NKX1-2: variants seen among roughly 807,000 people sequenced by gnomAD.
NKX1-2 encodes the protein NK1 homeobox 2.
In NKX1-2, 1 loss-of-function variant was observed where a neutral mutation model predicts 4.4. That is an observed-to-expected ratio of 0.23 (90% CI 0.08 to 1.08). The LOEUF (loss-of-function observed/expected upper bound fraction) is 1.08, where lower values mean the gene tolerates loss of function less well. NKX1-2 is among the 50% of genes least tolerant of loss of function. NKX1-2 has a pLI of 0.55. For synonymous variants in NKX1-2, 235 were observed against 228.0 expected, an observed-to-expected ratio of 1.03 and a Z score of -0.28; for missense variants, 503 against 464.6, an observed-to-expected ratio of 1.08 and a Z score of -0.76.
At position 124,447,580 on chromosome 10, in the gene NKX1-2, A is replaced by C; in HGVS notation, c.782T>G (p.Leu261Arg). The C allele has an allele frequency of 7.9e-7, 1 of 1,271,646 alleles. No individual in the cohort carries two copies. The highest frequency in any genetic ancestry group is 9.9e-7 in the Non-Finnish European group (1 of 1,007,282). The allele number at this position is 1,271,646 out of a possible 1,614,324, so 78.8% of individuals were successfully genotyped here. A position where few individuals can be genotyped will look rare whatever the true frequency, so the allele number is the denominator to read the frequency against. The change falls in exon 2 of 2, where the codon CTG becomes CGG. Residue 261 changes from leucine to arginine, a missense_variant. Coordinates refer to ENST00000451024, the MANE Select transcript of NKX1-2 (RefSeq NM_001146340.3). ...GTAGGAGGGGAAAGTCTGGAAGTGC[A>C]GAGCGCCGGTGCCGGGAGGGCCAGG... ...GSPGPPGTGA[L>R]HFQTFPSYSA...
In NKX1-2 at chr10:124,448,159, G is replaced by T; in HGVS notation, c.215-12C>A. 6.9e-7 allele frequency: 1 copy of T among 1,448,818 alleles called. No homozygotes were observed. Among genetic ancestry groups the T allele is most frequent in the Admixed American group, 2.7e-5 (1 of 36,910 alleles). The allele number at this position is 1,448,818 out of a possible 1,614,324, so 89.7% of individuals were successfully genotyped here. The stretch of plus-strand genomic sequence containing the variant: ...TGGGCCCGCAGCATCTAGGGGAGAA[G>T]GGGTCGGTGAACAGAAGCCTCTCCA... On this transcript the variant is annotated splice_polypyrimidine_tract_variant and intron_variant, in intron 1 of 1. Coordinates refer to ENST00000451024, the MANE Select transcript of NKX1-2 (RefSeq NM_001146340.3). The surrounding 1 kb of genome is among the most constrained non-coding windows in gnomAD (Gnocchi z 4.1).
Position 124,449,687 on chromosome 10 carries a change from T to G in NKX1-2, c.214+43A>C. On this transcript the variant is annotated intron_variant, in intron 1 of 1. Transcript: ENST00000451024. This position sits in a 1 kb window ranked among gnomAD's most constrained non-coding sequence, Gnocchi z 7.5. ...TGTTCCCCCATACACTCCGCATTGT[T>G]GGGGCTGAGGCCTCCTGGGGCCGGG... 7.1e-7 allele frequency: 1 copy of G among 1,416,096 alleles called. No homozygotes were observed. The highest frequency in any genetic ancestry group is 9.7e-7 in the Non-Finnish European group (1 of 1,025,960). 87.7% of individuals were successfully genotyped at this position (1,416,096 alleles called of 1,614,324 possible). A position where few individuals can be genotyped will look rare whatever the true frequency, so the allele number is the denominator to read the frequency against.
chr10:124,449,895 TGTG>T lies in NKX1-2; in HGVS notation c.46_48del (p.His16del), dbSNP rs1413103570. ...ATGTCCAGGACAGAGAAAGAAATCT[TGTG>T]GTGGGAGGGAGCCGCCTTGGCCCCG... On this transcript the variant is annotated inframe_deletion, in exon 1 of 2. Transcript: ENST00000451024. The surrounding 1 kb of genome is among the most constrained non-coding windows in gnomAD (Gnocchi z 7.5). 3 of 1,550,206 alleles carry T rather than the reference TGTG, an allele frequency of 1.9e-6. No homozygotes were observed. The highest frequency in any genetic ancestry group is 2.6e-6 in the Non-Finnish European group (3 of 1,145,860).
rs745731136 is a variant in NKX1-2, at chr10:124,446,268, A to C, written c.*1161T>G. On this transcript the variant is annotated 3_prime_UTR_variant, in exon 2 of 2. Transcript: ENST00000451024. The stretch of plus-strand genomic sequence containing the variant: ...TGGAGGTGAATCCATTAGGAATATG[A>C]CGGCTCTTCACACCCAAGTATTGCT... The C allele has an allele frequency of 5.3e-5, 8 of 152,206 alleles. No individual in the cohort carries two copies. The highest frequency in any genetic ancestry group is 5.2e-4 in the Admixed American group (8 of 15,268). The allele number at this position is 152,206 out of a possible 1,614,324, so 9.4% of individuals were successfully genotyped here. A position where few individuals can be genotyped will look rare whatever the true frequency, so the allele number is the denominator to read the frequency against.
chr10:124,445,484 G>A lies in NKX1-2; in HGVS notation c.*1945C>T, dbSNP rs1220613176. On this transcript the variant is annotated 3_prime_UTR_variant, in exon 2 of 2. Transcript: ENST00000451024. Reference sequence around the variant, plus strand: ...TCTTCTACTGAAGTCCATGATTCTGGTACCTGAGAAGACTGGAATGAAATG... The same window carrying A: ...TCTTCTACTGAAGTCCATGATTCTGATACCTGAGAAGACTGGAATGAAATG... 1 of 152,204 alleles carries A rather than the reference G, an allele frequency of 6.6e-6. No individual in the cohort carries two copies. The highest frequency in any genetic ancestry group is 1.5e-5 in the Non-Finnish European group (1 of 68,046). The allele number at this position is 152,204 out of a possible 1,614,324, so 9.4% of individuals were successfully genotyped here.
chr10:124,447,305 T>C lies in NKX1-2; in HGVS notation c.*124A>G. On this transcript the variant is annotated 3_prime_UTR_variant, in exon 2 of 2. Coordinates refer to ENST00000451024, the MANE Select transcript of NKX1-2 (RefSeq NM_001146340.3). ...CTTGGTGGCCCGCGAGGATCGCGGG[T>C]GCGCGCGGCGGGCAGGGGTGCGCTG... is the stretch of plus-strand genomic sequence containing the variant. 1.9e-6 allele frequency: 1 copy of C among 520,148 alleles called. No homozygotes were observed. Among genetic ancestry groups the C allele is most frequent in the South Asian group, 1.0e-4 (1 of 9,786 alleles). The allele number at this position is 520,148 out of a possible 1,614,324, so 32.2% of individuals were successfully genotyped here.
In NKX1-2 at chr10:124,447,449, AG is replaced by A; in HGVS notation, c.912del (p.Phe305SerfsTer72). The stretch of plus-strand genomic sequence containing the variant: ...CGGATTCATAGACGCGGGGCGTAGA[AG>A]GGGGTCAGGTAGGAAGGCCCAAGGA... ...APFLGPSYLT[P>X]FYAPRL On this transcript the variant is annotated frameshift_variant, in exon 2 of 2. Transcript: ENST00000451024. LOFTEE classifies it high-confidence loss of function. 10 of 1,256,010 alleles carry A rather than the reference AG, an allele frequency of 8.0e-6. No individual in the cohort carries two copies. Among genetic ancestry groups the A allele is most frequent in the Non-Finnish European group, 1.0e-5 (10 of 993,392 alleles). 77.8% of individuals were successfully genotyped at this position (1,256,010 alleles called of 1,614,324 possible). A position where few individuals can be genotyped will look rare whatever the true frequency, so the allele number is the denominator to read the frequency against.
In NKX1-2 at chr10:124,447,121, G is replaced by T. The variant is rs1319089149; in HGVS notation, c.*308C>A. The stretch of plus-strand genomic sequence containing the variant: ...CTCTGCTCCCTGTATTTCCCTCCTG[G>T]CATCTTGGTTAGCCCCGCGCCGAAC... On this transcript the variant is annotated 3_prime_UTR_variant, in exon 2 of 2. Transcript: ENST00000451024. The T allele has an allele frequency of 1.2e-5, 3 of 256,304 alleles. No individual in the cohort carries two copies. The highest frequency in any genetic ancestry group is 5.5e-5 in the Admixed American group (1 of 18,250). The allele number at this position is 256,304 out of a possible 1,614,324, so 15.9% of individuals were successfully genotyped here.
Position 124,449,826 on chromosome 10 carries a change from G to A in NKX1-2, c.118C>T (p.Arg40Cys). 6.4e-7 allele frequency: 1 copy of A among 1,551,642 alleles called. No homozygotes were observed. Among genetic ancestry groups the A allele is most frequent in the Non-Finnish European group, 8.7e-7 (1 of 1,146,940 alleles). Residue 40 changes from arginine (R) to cysteine (C), a missense_variant, in exon 1 of 2, where the codon CGC becomes TGC. Transcript: ENST00000451024. The surrounding 1 kb of genome is among the most constrained non-coding windows in gnomAD (Gnocchi z 7.5). Reference protein sequence around the residue: ...KFTRAALPAVRPAPREARKSL... With the variant: ...KFTRAALPAVCPAPREARKSL... ...TTCCTGGCTTCCCGGGGAGCCGGGC[G>A]CACGGCAGGGAGCGCTGCGCGGGTG...
In NKX1-2 at chr10:124,449,772, C is replaced by T. The variant is rs1220105063; in HGVS notation, c.172G>A (p.Asp58Asn). ...CGGACAGGGTCCCTGGAGCTGGCAT[C>T]TTTCCCCGCTTCGACCTCCGCCAAA... is the stretch of plus-strand genomic sequence containing the variant. Reference protein sequence around the residue: ...KSLAEVEAGKDASSRDPVRQL... With the variant: ...KSLAEVEAGKNASSRDPVRQL... The change falls in exon 1 of 2, where the codon GAT becomes AAT. Residue 58 changes from aspartate (D) to asparagine (N), a missense_variant. By Grantham distance (23) the Asp-to-Asn change is conservative. Coordinates refer to ENST00000451024, the MANE Select transcript of NKX1-2 (RefSeq NM_001146340.3). This position sits in a 1 kb window ranked among gnomAD's most constrained non-coding sequence, Gnocchi z 7.5. The T allele has an allele frequency of 5.2e-6, 8 of 1,551,724 alleles. No individual in the cohort carries two copies. Among genetic ancestry groups the T allele is most frequent in the Middle Eastern group, 1.7e-4 (1 of 5,992 alleles).
Position 124,448,370 on chromosome 10 carries a change from A to ATTTCT in NKX1-2, c.215-224_215-223insAGAAA. ...CTGCCATCAAGTAGGCGTCCAAGAA[A>ATTTCT]TGTACGCCAAATGAATGAATGACAC... On this transcript the variant is annotated intron_variant, in intron 1 of 1. Coordinates refer to ENST00000451024, the MANE Select transcript of NKX1-2 (RefSeq NM_001146340.3). The surrounding 1 kb of genome is among the most constrained non-coding windows in gnomAD (Gnocchi z 4.1). The ATTTCT allele has an allele frequency of 3.6e-6, 2 of 551,644 alleles. No homozygotes were observed. Among genetic ancestry groups the ATTTCT allele is most frequent in the Non-Finnish European group, 5.5e-6 (2 of 364,548 alleles). 34.2% of individuals were successfully genotyped at this position (551,644 alleles called of 1,614,324 possible). A position where few individuals can be genotyped will look rare whatever the true frequency, so the allele number is the denominator to read the frequency against.
chr10:124,448,077 C>T lies in NKX1-2; in HGVS notation c.285G>A (p.Ala95=). The change falls in exon 2 of 2, where the codon GCG becomes GCA. Residue 95 remains alanine (A), a synonymous_variant. Coordinates refer to ENST00000451024, the MANE Select transcript of NKX1-2 (RefSeq NM_001146340.3). This position sits in a 1 kb window ranked among gnomAD's most constrained non-coding sequence, Gnocchi z 4.1. ...EGSEAEEEED[A]EDPRRPRLRE... is the part of the protein sequence containing the mutation. ...GCAGCCGCGGCCTCCTCGGATCCTC[C>T]GCATCCTCCTCCTCTTCCGCCTCGG... 2 of 1,523,136 alleles carry T rather than the reference C, an allele frequency of 1.3e-6. No homozygotes were observed. Among genetic ancestry groups the T allele is most frequent in the Non-Finnish European group, 1.8e-6 (2 of 1,140,522 alleles). 94.4% of individuals were successfully genotyped at this position (1,523,136 alleles called of 1,614,324 possible). A position where few individuals can be genotyped will look rare whatever the true frequency, so the allele number is the denominator to read the frequency against.
chr10:124,449,700 T>A lies in NKX1-2; in HGVS notation c.214+30A>T. The A allele has an allele frequency of 6.6e-7, 1 of 1,509,102 alleles. No homozygotes were observed. Among genetic ancestry groups the A allele is most frequent in the Non-Finnish European group, 9.0e-7 (1 of 1,109,698 alleles). The allele number at this position is 1,509,102 out of a possible 1,614,324, so 93.5% of individuals were successfully genotyped here. ...ACTCCGCATTGTTGGGGCTGAGGCC[T>A]CCTGGGGCCGGGGCCGCCTTGCATC... is the stretch of plus-strand genomic sequence containing the variant. On this transcript the variant is annotated intron_variant, in intron 1 of 1. Coordinates refer to ENST00000451024, the MANE Select transcript of NKX1-2 (RefSeq NM_001146340.3). This position sits in a 1 kb window ranked among gnomAD's most constrained non-coding sequence, Gnocchi z 7.5.
Position 124,447,290 on chromosome 10 carries a change from C to A in NKX1-2, c.*139G>T. 2.2e-6 allele frequency: 1 copy of A among 462,712 alleles called. No homozygotes were observed. The highest frequency in any genetic ancestry group is 5.0e-5 in the Admixed American group (1 of 20,182). 28.7% of individuals were successfully genotyped at this position (462,712 alleles called of 1,614,324 possible). ...GCAGATCCCTGACCCCTTGGTGGCCCGCGAGGATCGCGGGTGCGCGCGGCG... is the reference window on the plus strand; with the variant it reads ...GCAGATCCCTGACCCCTTGGTGGCCAGCGAGGATCGCGGGTGCGCGCGGCG... On this transcript the variant is annotated 3_prime_UTR_variant, in exon 2 of 2. Transcript: ENST00000451024.
rs1952235035 is a variant in NKX1-2 at position 124,446,125 on chromosome 10, G to A, written c.*1304C>T. ...GACGTGGGCTACAAGATTATATTAG[G>A]TAGAAAACTAAAGGAAATGTATTCC... On this transcript the variant is annotated 3_prime_UTR_variant, in exon 2 of 2. Coordinates refer to ENST00000451024, the MANE Select transcript of NKX1-2 (RefSeq NM_001146340.3). 1 of 152,130 alleles carries A rather than the reference G, an allele frequency of 6.6e-6. No individual in the cohort carries two copies. The highest frequency in any genetic ancestry group is 2.4e-5 in the African/African-American group (1 of 41,426). The allele number at this position is 152,130 out of a possible 1,614,324, so 9.4% of individuals were successfully genotyped here. A position where few individuals can be genotyped will look rare whatever the true frequency, so the allele number is the denominator to read the frequency against.
chr10:124,449,555 C>G lies in NKX1-2; in HGVS notation c.214+175G>C, dbSNP rs1952277052. 1 of 704,352 alleles carries G rather than the reference C, an allele frequency of 1.4e-6. No homozygotes were observed. The highest frequency in any genetic ancestry group is 2.0e-5 in the Admixed American group (1 of 49,982). 43.6% of individuals were successfully genotyped at this position (704,352 alleles called of 1,614,324 possible). On this transcript the variant is annotated intron_variant, in intron 1 of 1. Transcript: ENST00000451024. This position sits in a 1 kb window ranked among gnomAD's most constrained non-coding sequence, Gnocchi z 7.5. ...CCCTGCCCTGTAATGCGGGGAGCCT[C>G]CTCTCTGCCTCTATCCAAGTCCGAG...
chr10:124,449,157 G>C lies in NKX1-2; in HGVS notation c.214+573C>G, dbSNP rs1405027475. On this transcript the variant is annotated intron_variant, in intron 1 of 1. Transcript: ENST00000451024. This position sits in a 1 kb window ranked among gnomAD's most constrained non-coding sequence, Gnocchi z 7.5. ...CCGAAAGCTTCCCAACACTCCATCC[G>C]AGCCCCGCCCCCAGCCCAGTCCCAG... Among the ~76,000 whole-genome samples the C allele has an allele frequency of 1.3e-5, 2 of 152,052 alleles. No individual in the cohort carries two copies. The highest frequency in any genetic ancestry group is 2.9e-5 in the Non-Finnish European group (2 of 68,018).
rs1480006450 is a variant in NKX1-2 at position 124,449,043 on chromosome 10, C to T, written c.214+687G>A. On this transcript the variant is annotated intron_variant, in intron 1 of 1. Transcript: ENST00000451024. This position sits in a 1 kb window ranked among gnomAD's most constrained non-coding sequence, Gnocchi z 7.5. ...AGCAGGACTCCTGCTGTCTTCCGTC[C>T]TTCCTTCCAGCCACAAACTTTCCTA... is the stretch of plus-strand genomic sequence containing the variant. 6.6e-6 allele frequency among the ~76,000 whole-genome samples: 1 copy of T among 152,232 alleles called. No homozygotes were observed. The highest frequency in any genetic ancestry group is 1.5e-5 in the Non-Finnish European group (1 of 68,044).
rs1402090485 is a variant in NKX1-2, at chr10:124,445,408, C to T, written c.*2021G>A. The T allele has an allele frequency of 6.6e-6, 1 of 152,192 alleles. No homozygotes were observed. Among genetic ancestry groups the T allele is most frequent in the Non-Finnish European group, 1.5e-5 (1 of 68,036 alleles). The allele number at this position is 152,192 out of a possible 1,614,324, so 9.4% of individuals were successfully genotyped here. A position where few individuals can be genotyped will look rare whatever the true frequency, so the allele number is the denominator to read the frequency against. ...ACCAGAAGGGTCAGGAATTACAGCA[C>T]CGTGCTGGGCCACGAACAGATCAGC... On this transcript the variant is annotated 3_prime_UTR_variant, in exon 2 of 2. Coordinates refer to ENST00000451024, the MANE Select transcript of NKX1-2 (RefSeq NM_001146340.3).
Sources: gnomAD v4.1 joint callset for allele counts (sites outside exome capture counted in the v4.1 genomes callset) on GRCh38, gnomAD v4.1.1 for gene constraint, Gnocchi (gnomAD v3.1) non-coding constraint, MANE v1.5 for transcripts, NCBI Gene and HGNC (gene_info 2026-07-23, HGNC 2026-07-21) for gene names.